Variants in GAS2 observed in about 807,000 individuals in gnomAD.
GAS2 encodes growth arrest specific 2.
In GAS2, 20 loss-of-function variants were observed where a neutral mutation model predicts 37.5. The ratio of observed to expected loss-of-function variants is 0.53; its 90% CI spans 0.37 to 0.77. The LOEUF is 0.77. Ranked by LOEUF, GAS2 falls within the 30% of genes least tolerant of loss-of-function variation. The pLI is 0.00. For missense variants in GAS2, 336 were observed against 373.4 expected, an observed-to-expected ratio of 0.90 and a Z score of 0.82; for synonymous variants, 144 against 132.2, an observed-to-expected ratio of 1.09 and a Z score of -0.61.
chr11:22,811,890 G>A lies in GAS2; in HGVS notation c.816G>A (p.Leu272=). 1 of 1,614,148 alleles carries A rather than the reference G, an allele frequency of 6.2e-7. No individual in the cohort carries two copies. Among genetic ancestry groups the A allele is most frequent in the Non-Finnish European group, 8.5e-7 (1 of 1,180,010 alleles). The change falls in exon 8 of 8, where the codon CTG becomes CTA. Residue 272 remains leucine (L), a synonymous_variant. Transcript: ENST00000454584. Reference sequence around the variant, plus strand: ...TGAAACACGACCCCTGCCGAATGCTGCAGATCTCCCGTGTGGATGGCAAAA... The same window carrying A: ...TGAAACACGACCCCTGCCGAATGCTACAGATCTCCCGTGTGGATGGCAAAA... The part of the protein sequence containing the change: ...YLLKHDPCRM[L]QISRVDGKTS...
chr11:22,686,040 G>A (rs773236868), intron 3 of GAS2, among the ~76,000 whole-genome samples: 3 of 152,128 alleles, frequency 2.0e-5, no homozygotes, highest in East Asian at 1.9e-4. Flanking sequence ...AGAGTATTGT[G>A]TATAAACTCA....
intron 7 of GAS2, among the ~76,000 whole-genome samples, chr11:22,766,100 A>T (rs1854677736): frequency 6.6e-6 from 1 of 152,204 alleles, no homozygotes; most frequent in Admixed American, 6.5e-5. Context: ...AACACCTCCC[A>T]CCATGCCCCA....
At chr11:22,660,710 TG>T (rs1490195557) in intron 1 of GAS2, among the ~76,000 whole-genome samples, 1 of 152,182 alleles carries the variant, frequency 6.6e-6, no homozygotes, top group Non-Finnish European at 1.5e-5. Flanking sequence ...ACAGCCTCTG[TG>T]GGGATGATGG....
At chr11:22,674,824 C>G (rs768130574) in intron 1 of GAS2, 26 bp from the exon 2 acceptor site, 1 of 1,533,622 alleles carries the variant, frequency 6.5e-7, no homozygotes, top group South Asian at 1.3e-5. Flanking sequence ...GTATAAAAAG[C>G]AATTGCTCTT....
At chr11:22,771,976 T>TA (rs1315729620) in intron 7 of GAS2, among the ~76,000 whole-genome samples, 2 of 152,180 alleles carry the variant, frequency 1.3e-5, no homozygotes, top group Non-Finnish European at 2.9e-5. Context: ...CAATATAATT[T>TA]AATTTATTAT....
chr11:22,626,728 C>G (rs1163227665), intron 1 of GAS2: 1 of 152,118 alleles, frequency 6.6e-6, no homozygotes, highest in African/African-American at 2.4e-5. Flanking sequence ...GTCCTAAAGA[C>G]ACAGCCAAAA....
Position 22,755,927 on chromosome 11 carries a change from G to A in GAS2, c.697G>A (p.Val233Met), listed in dbSNP as rs1854008245. ...GCGGCTCTCCCAAGGAAGATACCGA[G>A]TGGGAGAAAAGATCCTCTTCATTAG... ...VERLSQGRYRVGEKILFIRML... is the reference protein window; with the variant it reads ...VERLSQGRYRMGEKILFIRML... The change falls in exon 7 of 8, where the codon GTG becomes ATG. Residue 233 changes from valine (V) to methionine (M), a missense_variant. Physicochemically the swap from Val to Met is conservative, Grantham distance 21. Coordinates refer to ENST00000454584, the MANE Select transcript of GAS2 (RefSeq NM_001143830.3). 1 of 1,611,848 alleles carries A rather than the reference G, an allele frequency of 6.2e-7. No individual in the cohort carries two copies. Among genetic ancestry groups the A allele is most frequent in the South Asian group, 1.1e-5 (1 of 90,948 alleles).
intron 4 of GAS2, among the ~76,000 whole-genome samples, chr11:22,736,749 ACAAT>A (rs1565117735): frequency 1.3e-5 from 2 of 152,116 alleles, no homozygotes; most frequent in East Asian, 1.9e-4. Context: ...CTATCAATAA[ACAAT>A]CAATAAGCTA....
At chr11:22,810,090 T>C (rs1857078383) in intron 7 of GAS2, among the ~76,000 whole-genome samples, 1 of 152,178 alleles carries the variant, frequency 6.6e-6, no homozygotes, top group Admixed American at 6.5e-5. Context: ...ACATTGAGTA[T>C]TTCCAGGGGA....
intron 6 of GAS2, among the ~76,000 whole-genome samples, chr11:22,754,490 G>T (rs917149126): frequency 6.6e-6 from 1 of 151,882 alleles, no homozygotes; most frequent in Non-Finnish European, 1.5e-5. Flanking sequence ...TATTAAAGTT[G>T]GTTCTTTTGT....
At chr11:22,699,096 A>G (rs961631952) in intron 3 of GAS2, among the ~76,000 whole-genome samples, 1 of 152,266 alleles carries the variant, frequency 6.6e-6, no homozygotes. Context: ...CTAGTTTTCT[A>G]TTCCACAGTT....
At chr11:22,630,117 A>C (rs1004618787) in intron 1 of GAS2, among the ~76,000 whole-genome samples, 5 of 152,098 alleles carry the variant, frequency 3.3e-5, no homozygotes, top group Admixed American at 1.3e-4. Flanking sequence ...TTACATATGT[A>C]TACATGTGCC....
chr11:22,797,202 T>C (rs1856468232), intron 7 of GAS2, among the ~76,000 whole-genome samples: 1 of 152,070 alleles, frequency 6.6e-6, no homozygotes, highest in South Asian at 2.1e-4. Context: ...TAAGTGCTCC[T>C]ACACATATTT....
At chr11:22,710,079 G>T (rs1851323736) in intron 3 of GAS2, among the ~76,000 whole-genome samples, 1 of 151,664 alleles carries the variant, frequency 6.6e-6, no homozygotes, top group Non-Finnish European at 1.5e-5. Context: ...GAGTTAATGG[G>T]TGCAGCACAC....
At chr11:22,656,100 A>G (rs1192943351) in intron 1 of GAS2, among the ~76,000 whole-genome samples, 2 of 152,228 alleles carry the variant, frequency 1.3e-5, no homozygotes, top group African/African-American at 4.8e-5. Context: ...AAAATGTTTT[A>G]AAACAAATTG....
chr11:22,642,797 A>G (rs954634517), intron 1 of GAS2, among the ~76,000 whole-genome samples: 1 of 152,218 alleles, frequency 6.6e-6, no homozygotes, highest in Non-Finnish European at 1.5e-5. Flanking sequence ...AGTATGTTTT[A>G]TAGGTATATG....
At chr11:22,773,518 C>T (rs1357314670) in intron 7 of GAS2, among the ~76,000 whole-genome samples, 2 of 151,396 alleles carry the variant, frequency 1.3e-5, no homozygotes, top group Non-Finnish European at 2.9e-5. Context: ...CTCAGCCTCC[C>T]GAGTAGGTGG....
intron 7 of GAS2, among the ~76,000 whole-genome samples, chr11:22,765,533 A>C (rs1046971133): frequency 2.6e-5 from 4 of 152,182 alleles, no homozygotes; most frequent in African/African-American, 4.8e-5. Flanking sequence ...TAATCCCAGC[A>C]CTTTGGGAGG....
chr11:22,811,970 A>G lies in GAS2; in HGVS notation c.896A>G (p.Tyr299Cys). The change falls in exon 8 of 8, where the codon TAC becomes TGC. Residue 299 changes from tyrosine to cysteine, a missense_variant. Physicochemically the swap from Tyr to Cys is radical, Grantham distance 194 (BLOSUM62 -2). Coordinates refer to ENST00000454584, the MANE Select transcript of GAS2 (RefSeq NM_001143830.3). The stretch of plus-strand genomic sequence containing the variant: ...CTAAAGGACATGAATCCAGATAACT[A>G]CTTGGTGGTCTCTGCCAGTTATAAG... ...PTLKDMNPDN[Y>C]LVVSASYKAK... is the part of the protein sequence containing the mutation. 1 of 1,614,128 alleles carries G rather than the reference A, an allele frequency of 6.2e-7. No individual in the cohort carries two copies. The highest frequency in any genetic ancestry group is 8.5e-7 in the Non-Finnish European group (1 of 1,180,004).
Sources: gnomAD v4.1 joint callset for allele counts (sites outside exome capture counted in the v4.1 genomes callset) on GRCh38, gnomAD v4.1.1 for gene constraint, MANE v1.5 for transcripts, NCBI Gene and HGNC (gene_info 2026-07-23, HGNC 2026-07-21) for gene names.